OSBPL6: variants seen among roughly 807,000 people sequenced by gnomAD.
OSBPL6 encodes the protein oxysterol binding protein like 6.
Under a neutral mutation model 125.8 loss-of-function variants are expected in OSBPL6, and 49 were observed. The observed-to-expected ratio is 0.39, with a 90% CI of 0.31 to 0.49. The LOEUF is 0.49. Ranked by LOEUF, OSBPL6 falls within the 20% of genes least tolerant of loss-of-function variation. The pLI, the probability that OSBPL6 is intolerant of heterozygous loss-of-function variation, is 0.88. For synonymous variants in OSBPL6, 394 were observed against 391.8 expected (o/e 1.01, Z -0.07); for missense variants, 986 against 1,135.4 (o/e 0.87, Z 1.89).
intron 1 of OSBPL6, among the ~76,000 whole-genome samples, chr2:178,222,534 T>G (rs1172728272): frequency 2.6e-5 from 4 of 152,076 alleles, no homozygotes; most frequent in Non-Finnish European, 4.4e-5. Context: ...TCCCAGCTAC[T>G]TGGGAGGCTG....
intron 13 of OSBPL6, among the ~76,000 whole-genome samples, chr2:178,371,610 T>C (rs16866302): frequency 0.03 from 4,531 of 152,248 alleles, 216 homozygotes; most frequent in African/African-American, 0.1. Flanking sequence ...TCCTGGAAAA[T>C]GAAAATACAG....
At chr2:178,326,568 T>C (rs1319809513) in intron 4 of OSBPL6, among the ~76,000 whole-genome samples, 1 of 152,176 alleles carries the variant, frequency 6.6e-6, no homozygotes, top group Non-Finnish European at 1.5e-5. Context: ...GTCTACTAAG[T>C]ATAGAGGGAG....
At chr2:178,365,156 A>G (rs1453916209) in intron 13 of OSBPL6, among the ~76,000 whole-genome samples, 2 of 152,188 alleles carry the variant, frequency 1.3e-5, no homozygotes, top group Non-Finnish European at 2.9e-5. Context: ...AGCCTGAGCA[A>G]TGAGAGTGAA....
chr2:178,265,683 T>A (rs2092211699), intron 1 of OSBPL6, among the ~76,000 whole-genome samples: 1 of 152,180 alleles, frequency 6.6e-6, no homozygotes, highest in African/African-American at 2.4e-5. Context: ...TAATCTGGGT[T>A]GGATTTAGGC....
intron 4 of OSBPL6, among the ~76,000 whole-genome samples, chr2:178,324,661 A>G (rs1288421668): frequency 1.3e-5 from 2 of 152,260 alleles, no homozygotes; most frequent in East Asian, 3.8e-4. Context: ...ACCGGACACT[A>G]TGAGAAGTAT....
intron 1 of OSBPL6, among the ~76,000 whole-genome samples, chr2:178,282,350 C>T (rs1052326084): frequency 1.3e-5 from 2 of 152,166 alleles, no homozygotes. Flanking sequence ...TCTTATCCCT[C>T]CCCTCTGCTG....
chr2:178,250,194 G>A (rs1370632471), intron 1 of OSBPL6, among the ~76,000 whole-genome samples: 2 of 152,102 alleles, frequency 1.3e-5, no homozygotes, highest in Admixed American at 6.5e-5. Context: ...GCTTCATCCT[G>A]TAGCATCTTC....
At chr2:178,251,752 A>G (rs979142263) in intron 1 of OSBPL6, among the ~76,000 whole-genome samples, 5 of 152,188 alleles carry the variant, frequency 3.3e-5, no homozygotes, top group Admixed American at 6.5e-5. Flanking sequence ...AGTGACAGTT[A>G]CCTCATAGGC....
chr2:178,346,661 A>C (rs1022447092), intron 11 of OSBPL6, among the ~76,000 whole-genome samples: 6 of 152,108 alleles, frequency 3.9e-5, no homozygotes, highest in Non-Finnish European at 8.8e-5. Context: ...GGCAGCTCCC[A>C]CTCCAACCAT....
At chr2:178,343,061 G>A (rs1415317797) in intron 11 of OSBPL6, among the ~76,000 whole-genome samples, 1 of 152,108 alleles carries the variant, frequency 6.6e-6, no homozygotes, top group African/African-American at 2.4e-5. Context: ...TATGAAGATG[G>A]AAAATAAATA....
At chr2:178,385,419 T>C in intron 18 of OSBPL6, 39 bp from the exon 19 acceptor site, 1 of 1,472,540 alleles carries the variant, frequency 6.8e-7, no homozygotes, top group Non-Finnish European at 9.4e-7. Context: ...GTGGAAGTCT[T>C]AACACTGATA....
At chr2:178,372,014 T>C in intron 13 of OSBPL6, 112 bp from the exon 14 acceptor site, 1 of 719,746 alleles carries the variant, frequency 1.4e-6, no homozygotes, top group Non-Finnish European at 2.2e-6. Flanking sequence ...GCTTCAAAAG[T>C]TAGAGCTAAG....
At chr2:178,391,606 C>T (rs1252779775) in intron 22 of OSBPL6, among the ~76,000 whole-genome samples, 1 of 152,180 alleles carries the variant, frequency 6.6e-6, no homozygotes, top group African/African-American at 2.4e-5. Flanking sequence ...AGACTACAAA[C>T]ATTTGTAATC....
At chr2:178,269,347 T>C (rs1173179019) in intron 1 of OSBPL6, among the ~76,000 whole-genome samples, 1 of 152,224 alleles carries the variant, frequency 6.6e-6, no homozygotes, top group Non-Finnish European at 1.5e-5. Flanking sequence ...CTACTATTAA[T>C]GTTTATAAAG....
chr2:178,362,478 G>A (rs1401459889), intron 13 of OSBPL6, among the ~76,000 whole-genome samples: 1 of 152,108 alleles, frequency 6.6e-6, no homozygotes, highest in Non-Finnish European at 1.5e-5. Flanking sequence ...TTCCTTAGAA[G>A]TAAGTATTTT....
chr2:178,220,000 G>T (rs752675771), intron 1 of OSBPL6, among the ~76,000 whole-genome samples: 7 of 152,138 alleles, frequency 4.6e-5, no homozygotes, highest in African/African-American at 1.7e-4. Context: ...TTAAGATTTC[G>T]AGTGCTTAGG....
chr2:178,382,618 T>G, intron 16 of OSBPL6, 111 bp downstream of exon 16: 1 of 1,492,676 alleles, frequency 6.7e-7, no homozygotes, highest in Non-Finnish European at 9.0e-7. Context: ...CTGCTAATTG[T>G]TCTTTTGGCA....
At chr2:178,317,968 G>A (rs993598) in intron 3 of OSBPL6, among the ~76,000 whole-genome samples, 63,834 of 151,990 alleles carry the variant, frequency 0.42, 14,245 homozygotes, top group East Asian at 0.53. Context: ...TTGCCGTAAT[G>A]AAGCATGATC....
At chr2:178,257,571 T>C (rs2091925449) in intron 1 of OSBPL6, among the ~76,000 whole-genome samples, 1 of 152,252 alleles carries the variant, frequency 6.6e-6, no homozygotes, top group Non-Finnish European at 1.5e-5. Context: ...GAATTTGCTA[T>C]ATTTATATAT....
Sources: allele counts gnomAD v4.1 joint callset (sites outside exome capture counted in the v4.1 genomes callset), GRCh38; gene constraint gnomAD v4.1.1; transcripts MANE v1.5; gene names NCBI Gene and HGNC (gene_info 2026-07-23, HGNC 2026-07-21).